DLC1: variants seen among roughly 807,000 people sequenced by gnomAD.
DLC1 encodes DLC1 Rho GTPase activating protein.
DLC1 carries 54 observed loss-of-function variants against 140.3 expected under a neutral mutation model. That is an observed-to-expected ratio of 0.38 (90% CI 0.31 to 0.48). The LOEUF (loss-of-function observed/expected upper bound fraction) is 0.48. DLC1 is among the 20% of genes least tolerant of loss of function. The pLI is 0.96. For missense variants in DLC1, 2,536 were observed against 1,907.0 expected, an observed-to-expected ratio of 1.33 and a Z score of -6.14; for synonymous variants, 986 against 728.1, an observed-to-expected ratio of 1.35 and a Z score of -5.70.
intron 1 of DLC1, among the ~76,000 whole-genome samples, chr8:13,579,245 C>CATATATATATATATATAT (rs749246152): frequency 0.038 from 710 of 18,882 alleles, 172 homozygotes; most frequent in Non-Finnish European, 0.052. Flanking sequence ...GAACAGGGAG[C>CATATATATATATATATAT]ATATATATAT....
intron 1 of DLC1, among the ~76,000 whole-genome samples, chr8:13,535,745 A>G (rs1235276823): frequency 6.6e-6 from 1 of 151,334 alleles, no homozygotes; most frequent in Non-Finnish European, 1.5e-5. Flanking sequence ...ATCAGAGATT[A>G]TCATCTAAGT....
chr8:13,422,747 C>G (rs1838376310), intron 2 of DLC1, among the ~76,000 whole-genome samples: 1 of 151,740 alleles, frequency 6.6e-6, no homozygotes, highest in Non-Finnish European at 1.5e-5. Flanking sequence ...AATAAATCCT[C>G]TCTTAAGGAG....
upstream of DLC1, among the ~76,000 whole-genome samples, chr8:13,519,424 G>A (rs1015326920): frequency 6.6e-6 from 1 of 152,078 alleles, no homozygotes; most frequent in Non-Finnish European, 1.5e-5. Flanking sequence ...TGCCGCTCCT[G>A]GCTCATGTGT....
intron 5 of DLC1, among the ~76,000 whole-genome samples, chr8:13,190,785 C>T (rs1036989005): frequency 2.0e-5 from 3 of 151,958 alleles, no homozygotes; most frequent in African/African-American, 7.3e-5. Context: ...GGGACAAGAA[C>T]CAAGCAGGGT....
chr8:13,290,952 A>C (rs1185359745), intron 5 of DLC1, among the ~76,000 whole-genome samples: 4 of 152,208 alleles, frequency 2.6e-5, no homozygotes, highest in Non-Finnish European at 5.9e-5. Context: ...CTCACTGCCC[A>C]GGCTGGAGTG....
intron 5 of DLC1, among the ~76,000 whole-genome samples, chr8:13,180,380 A>G (rs1212254030): frequency 6.6e-6 from 1 of 152,154 alleles, no homozygotes; most frequent in Non-Finnish European, 1.5e-5. Context: ...TCACATCCCA[A>G]ATATCAAAGA....
At chr8:13,543,713 C>T (rs1055821504) in intron 1 of DLC1, among the ~76,000 whole-genome samples, 1 of 151,974 alleles carries the variant, frequency 6.6e-6, no homozygotes, top group African/African-American at 2.4e-5. Context: ...AAGCTGGAGG[C>T]CATTATTCTA....
At chr8:13,168,193 C>A (rs1214512603) in intron 5 of DLC1, among the ~76,000 whole-genome samples, 1 of 152,142 alleles carries the variant, frequency 6.6e-6, no homozygotes, top group Non-Finnish European at 1.5e-5. Flanking sequence ...AAGGCTTTGA[C>A]TGAGTGAAGA....
chr8:13,199,670 C>T (rs914485989), intron 5 of DLC1, among the ~76,000 whole-genome samples: 1 of 152,028 alleles, frequency 6.6e-6, no homozygotes, highest in African/African-American at 2.4e-5. Flanking sequence ...TTATGAATGG[C>T]TTCTTCATAA....
intron 4 of DLC1, among the ~76,000 whole-genome samples, chr8:13,382,697 G>C (rs1296153845): frequency 2.0e-5 from 3 of 151,948 alleles, no homozygotes; most frequent in Non-Finnish European, 4.4e-5. Flanking sequence ...AAGAAAATAT[G>C]GTCTCAAAAT....
intron 2 of DLC1, among the ~76,000 whole-genome samples, chr8:13,467,441 C>G (rs936474132): frequency 7.7e-6 from 1 of 129,966 alleles, no homozygotes; most frequent in Admixed American, 8.9e-5. Context: ...GTTCTAGTCT[C>G]TTCTTATATT....
chr8:13,206,024 C>G (rs944924561), intron 5 of DLC1, among the ~76,000 whole-genome samples: 8 of 152,094 alleles, frequency 5.3e-5, no homozygotes, highest in Admixed American at 6.6e-5. Flanking sequence ...GAACCTTGAC[C>G]TAGAGGAAAA....
intron 5 of DLC1, among the ~76,000 whole-genome samples, chr8:13,153,686 C>G (rs1563114914): frequency 6.6e-6 from 1 of 152,104 alleles, no homozygotes; most frequent in Non-Finnish European, 1.5e-5. Flanking sequence ...CATCCTTTAG[C>G]TAGAGGTAAA....
intron 5 of DLC1, among the ~76,000 whole-genome samples, chr8:13,120,356 A>AAAAAAAAAAAAAAAAAAAATATATAT: frequency 1.6e-5 from 1 of 61,124 alleles, no homozygotes; most frequent in Non-Finnish European, 3.8e-5. Flanking sequence ...AAAAAAAAAA[A>AAAAAAAAAAAAAAAAAAAATATATAT]ATATATATAT....
chr8:13,470,890 C>A (rs553442849), intron 2 of DLC1, among the ~76,000 whole-genome samples: 3 of 151,986 alleles, frequency 2.0e-5, no homozygotes, highest in Non-Finnish European at 4.4e-5. Flanking sequence ...AATGAATGGA[C>A]AAATGGATAA....
At chr8:13,141,746 G>A (rs1823007857) in intron 5 of DLC1, among the ~76,000 whole-genome samples, 3 of 152,180 alleles carry the variant, frequency 2.0e-5, no homozygotes, top group Admixed American at 2.0e-4. Flanking sequence ...TAGTCAGCAG[G>A]AGAATGGAGC....
At chr8:13,569,372 C>A (rs1230587777) in intron 1 of DLC1, among the ~76,000 whole-genome samples, 1 of 151,956 alleles carries the variant, frequency 6.6e-6, no homozygotes, top group Admixed American at 6.6e-5. Flanking sequence ...ATTTTTTTCC[C>A]CCATAAAATT....
chr8:13,142,125 T>G (rs575535068), intron 5 of DLC1, among the ~76,000 whole-genome samples: 4 of 152,344 alleles, frequency 2.6e-5, no homozygotes, highest in African/African-American at 9.6e-5. Context: ...GTGAAGAAGT[T>G]ACTTGCTTCT....
intron 5 of DLC1, among the ~76,000 whole-genome samples, chr8:13,161,104 T>C (rs1824660008): frequency 1.3e-5 from 2 of 151,748 alleles, no homozygotes; most frequent in Admixed American, 1.3e-4. Context: ...GAGGTGGGAG[T>C]GGGAGAGGTA....
Sources: gnomAD v4.1 joint callset for allele counts (sites outside exome capture counted in the v4.1 genomes callset) on GRCh38, gnomAD v4.1.1 for gene constraint, MANE v1.5 for transcripts, NCBI Gene and HGNC (gene_info 2026-07-23, HGNC 2026-07-21) for gene names.